TMEM132C: variants seen among roughly 807,000 people sequenced by gnomAD.
TMEM132C encodes protein phosphatase 1, regulatory subunit 152.
Under a neutral mutation model 61.4 loss-of-function variants are expected in TMEM132C, and 29 were observed. That is an observed-to-expected ratio of 0.47 (90% CI 0.35 to 0.64). The LOEUF (loss-of-function observed/expected upper bound fraction) is 0.64, where lower values mean the gene tolerates loss of function less well. Among genes scored for constraint, TMEM132C ranks in the 30% least tolerant of loss-of-function variants. The pLI, the probability that TMEM132C is intolerant of heterozygous loss-of-function variation, is 0.00. For synonymous variants in TMEM132C, 656 were observed against 633.1 expected, an observed-to-expected ratio of 1.04 and a Z score of -0.54; for missense variants, 1,408 against 1,476.9, an observed-to-expected ratio of 0.95 and a Z score of 0.76.
chr12:128,545,639 A>G (rs1873924047), intron 3 of TMEM132C, among the ~76,000 whole-genome samples: 1 of 152,202 alleles, frequency 6.6e-6, no homozygotes. Flanking sequence ...TGACTTTTCA[A>G]TAATCATCGT....
chr12:128,523,186 G>A (rs545415790), intron 2 of TMEM132C, among the ~76,000 whole-genome samples: 14 of 152,260 alleles, frequency 9.2e-5, no homozygotes, highest in South Asian at 4.2e-4. Flanking sequence ...GTAGGGTTCC[G>A]CTTACATGAG....
At chr12:128,357,766 G>A (rs1873562379) in intron 1 of TMEM132C, among the ~76,000 whole-genome samples, 1 of 151,466 alleles carries the variant, frequency 6.6e-6, no homozygotes, top group African/African-American at 2.4e-5. Flanking sequence ...CCAAGGGTAA[G>A]GCCAGTGCAG....
chr12:128,312,004 A>G (rs1871984317), intron 1 of TMEM132C, among the ~76,000 whole-genome samples: 2 of 152,218 alleles, frequency 1.3e-5, no homozygotes, highest in African/African-American at 2.4e-5. Flanking sequence ...CTGTGCTGAA[A>G]GGGACCCCGG....
At chr12:128,586,342 A>G (rs1875548036) in intron 3 of TMEM132C, among the ~76,000 whole-genome samples, 4 of 91,268 alleles carry the variant, frequency 4.4e-5, no homozygotes, top group African/African-American at 1.6e-4. Flanking sequence ...ATATGCTTGT[A>G]TGTGACTTAT....
Position 128,706,205 on chromosome 12 carries a change from T to C in TMEM132C, c.3237T>C (p.Asp1079=). 1 of 1,551,772 alleles carries C rather than the reference T, an allele frequency of 6.4e-7. No individual in the cohort carries two copies. The highest frequency in any genetic ancestry group is 8.7e-7 in the Non-Finnish European group (1 of 1,147,016). Residue 1079 remains aspartate, a synonymous_variant, in exon 9 of 9, where the codon GAT becomes GAC. Transcript: ENST00000435159. Reference sequence around the variant, plus strand: ...TGAACTCCATCGTCAGCAGCAATGATGAGGACATCAAATGGGTGTGTCAAG... The same window carrying C: ...TGAACTCCATCGTCAGCAGCAATGACGAGGACATCAAATGGGTGTGTCAAG... ...PTVNSIVSSN[D]EDIKWVCQDV...
chr12:128,418,798 G>T (rs1273671287), intron 2 of TMEM132C, among the ~76,000 whole-genome samples: 1 of 152,186 alleles, frequency 6.6e-6, no homozygotes, highest in East Asian at 1.9e-4. Flanking sequence ...ATTTTCAAAG[G>T]CAAGGAAGTT....
chr12:128,381,021 T>G (rs760817595), intron 1 of TMEM132C, among the ~76,000 whole-genome samples: 2 of 152,144 alleles, frequency 1.3e-5, no homozygotes, highest in African/African-American at 2.4e-5. Flanking sequence ...AGTGCTTTAT[T>G]CCTACACTTA....
At chr12:128,628,824 C>G (rs1384383823) in intron 4 of TMEM132C, among the ~76,000 whole-genome samples, 1 of 152,144 alleles carries the variant, frequency 6.6e-6, no homozygotes, top group Non-Finnish European at 1.5e-5. Context: ...ATACCTGTTG[C>G]CTAAATGAAT....
intron 2 of TMEM132C, among the ~76,000 whole-genome samples, chr12:128,529,776 A>G (rs760740146): frequency 2.9e-4 from 44 of 152,234 alleles, no homozygotes; most frequent in Non-Finnish European, 3.1e-4. Flanking sequence ...ACAGAGCAAG[A>G]CAAACAACAA....
chr12:128,667,834 C>G (rs1954493655), intron 4 of TMEM132C, among the ~76,000 whole-genome samples: 1 of 152,190 alleles, frequency 6.6e-6, no homozygotes, highest in Non-Finnish European at 1.5e-5. Flanking sequence ...TGGCAGATCA[C>G]AACATACATG....
At chr12:128,276,305 A>AT (rs539214825) in intron 1 of TMEM132C, among the ~76,000 whole-genome samples, 82 of 152,330 alleles carry the variant, frequency 5.4e-4, no homozygotes, top group Non-Finnish European at 6.8e-4. Context: ...TTACATAGAT[A>AT]TTTTTTAAAA....
intron 1 of TMEM132C, among the ~76,000 whole-genome samples, chr12:128,311,461 C>A (rs1871960716): frequency 6.6e-6 from 1 of 152,202 alleles, no homozygotes. Context: ...ACACAGCAGG[C>A]TCTTGTTGGG....
At chr12:128,457,789 A>T (rs1870396084) in intron 2 of TMEM132C, among the ~76,000 whole-genome samples, 1 of 152,142 alleles carries the variant, frequency 6.6e-6, no homozygotes, top group Admixed American at 6.6e-5. Flanking sequence ...GAATAGTGGG[A>T]TGGAGATAAG....
chr12:128,382,295 G>A (rs1874425783), intron 1 of TMEM132C, among the ~76,000 whole-genome samples: 1 of 152,084 alleles, frequency 6.6e-6, no homozygotes, highest in African/African-American at 2.4e-5. Context: ...CTGACGTACT[G>A]CACAGACTGC....
chr12:128,503,146 A>G (rs1872237910), intron 2 of TMEM132C, among the ~76,000 whole-genome samples: 1 of 148,592 alleles, frequency 6.7e-6, no homozygotes, highest in African/African-American at 2.4e-5. Context: ...TTAAATAATA[A>G]TTTCTTTTAA....
At chr12:128,535,974 A>G (rs1031905524) in intron 2 of TMEM132C, among the ~76,000 whole-genome samples, 2 of 152,188 alleles carry the variant, frequency 1.3e-5, no homozygotes, top group African/African-American at 4.8e-5. Flanking sequence ...ATTGTGGAAG[A>G]CAGTGTGGCG....
intron 4 of TMEM132C, among the ~76,000 whole-genome samples, chr12:128,667,092 T>G (rs550552241): frequency 1.8e-4 from 28 of 152,172 alleles, no homozygotes; most frequent in East Asian, 5.8e-4. Context: ...GATACAGATA[T>G]AGATAGAGAT....
intron 2 of TMEM132C, among the ~76,000 whole-genome samples, chr12:128,455,159 T>TC (rs1317813029): frequency 1.3e-5 from 2 of 152,222 alleles, no homozygotes; most frequent in Admixed American, 6.5e-5. Flanking sequence ...TTTTTGGTAC[T>TC]CCAAGCAAGC....
At chr12:128,424,454 G>GAA (rs11436326) in intron 2 of TMEM132C, among the ~76,000 whole-genome samples, 55 of 141,096 alleles carry the variant, frequency 3.9e-4, no homozygotes, top group East Asian at 1.4e-3. Flanking sequence ...ATGCTAAGTG[G>GAA]AAAAAAAAAA....
Sources: gnomAD v4.1 joint callset for allele counts (sites outside exome capture counted in the v4.1 genomes callset) on GRCh38, gnomAD v4.1.1 for gene constraint, MANE v1.5 for transcripts, NCBI Gene and HGNC (gene_info 2026-07-23, HGNC 2026-07-21) for gene names.